Variants in GPD2 observed in about 807,000 individuals in gnomAD.
GPD2 encodes glycerol-3-phosphate dehydrogenase 2.
In GPD2, 54 loss-of-function variants were observed where a neutral mutation model predicts 82.4. The ratio of observed to expected loss-of-function variants is 0.66; its 90% CI spans 0.53 to 0.82. GPD2 has a LOEUF of 0.82. Ranked by LOEUF, GPD2 falls within the 40% of genes least tolerant of loss-of-function variation. The pLI, the probability that GPD2 is intolerant of heterozygous loss-of-function variation, is 0.00. For synonymous variants in GPD2, 288 were observed against 306.1 expected (o/e 0.94, Z 0.62); for missense variants, 748 against 896.2 (o/e 0.83, Z 2.11).
chr2:156,436,967 T>G (rs1317238201), intron 1 of GPD2, among the ~76,000 whole-genome samples: 1 of 152,162 alleles, frequency 6.6e-6, no homozygotes, highest in Non-Finnish European at 1.5e-5. Flanking sequence ...CCACTCCCTA[T>G]GTAGTAACTT....
intron 2 of GPD2, among the ~76,000 whole-genome samples, chr2:156,492,018 TAA>T (rs200337320): frequency 9.6e-4 from 128 of 133,774 alleles, no homozygotes; most frequent in South Asian, 9.7e-4. Context: ...AGACTCCATC[TAA>T]AAAAAAAAAA....
At chr2:156,413,958 C>T in the GPD2 span, among the ~76,000 whole-genome samples, 6 of 152,176 alleles carry the variant, frequency 3.9e-5, no homozygotes, top group African/African-American at 1.2e-4. Context: ...GTGGAAAATA[C>T]GAATAAAGTG....
intron 8 of GPD2, among the ~76,000 whole-genome samples, chr2:156,557,181 A>G (rs1686994399): frequency 6.6e-6 from 1 of 152,152 alleles, no homozygotes; most frequent in Non-Finnish European, 1.5e-5. Context: ...GAATATTGTT[A>G]TCATCACATT....
rs1558974287 is a variant in GPD2 at position 156,582,869 on chromosome 2, T to G, written c.2135T>G (p.Leu712Arg). 1.2e-6 allele frequency: 2 copies of G among 1,613,246 alleles called. No individual in the cohort carries two copies. ...CTAATGAAAACTGCAGAAGAGAACC[T>G]CGACAGAAGAGTTCCAATTCCAGTG... ...AILMKTAEENLDRRVPIPVDR... is the reference protein window; with the variant it reads ...AILMKTAEENRDRRVPIPVDR... The change falls in exon 17 of 17, where the codon CTC (leucine) becomes CGC (arginine). Residue 712 changes from leucine to arginine, a missense_variant. By Grantham distance (102) the Leu-to-Arg change is moderately radical (BLOSUM62 -2). Coordinates refer to ENST00000438166, the MANE Select transcript of GPD2 (RefSeq NM_000408.5).
intron 6 of GPD2, among the ~76,000 whole-genome samples, chr2:156,542,651 C>T (rs1039856599): frequency 3.3e-5 from 5 of 152,100 alleles, no homozygotes; most frequent in African/African-American, 7.2e-5. Context: ...ATACCATAGT[C>T]ACATTTCTAG....
At chr2:156,407,406 T>C in the GPD2 span, among the ~76,000 whole-genome samples, 1 of 152,228 alleles carries the variant, frequency 6.6e-6, no homozygotes, top group African/African-American at 2.4e-5. Context: ...CCCAGAAATA[T>C]ATATCTTGGA....
At chr2:156,539,872 G>A (rs1031925705) in intron 6 of GPD2, among the ~76,000 whole-genome samples, 5 of 152,156 alleles carry the variant, frequency 3.3e-5, no homozygotes, top group Non-Finnish European at 7.4e-5. Context: ...TTCGATTCTT[G>A]AGTTTTCAGT....
At chr2:156,535,738 G>A (rs925640254) in intron 6 of GPD2, among the ~76,000 whole-genome samples, 1 of 152,240 alleles carries the variant, frequency 6.6e-6, no homozygotes, top group Admixed American at 6.5e-5. Context: ...TAAAGCTTCG[G>A]TAATGTGGGC....
intron 1 of GPD2, among the ~76,000 whole-genome samples, chr2:156,459,796 G>A (rs780629091): frequency 2.0e-5 from 3 of 151,626 alleles, no homozygotes; most frequent in Non-Finnish European, 4.4e-5. Flanking sequence ...TGTTCAGGCT[G>A]AGACTATCGT....
chr2:156,474,828 G>A (rs1683447776), intron 1 of GPD2, among the ~76,000 whole-genome samples: 1 of 152,014 alleles, frequency 6.6e-6, no homozygotes, highest in Non-Finnish European at 1.5e-5. Context: ...GAAATATTCA[G>A]TGGAGCAGAG....
intron 6 of GPD2, among the ~76,000 whole-genome samples, chr2:156,516,953 A>G (rs1685222015): frequency 6.6e-6 from 1 of 152,236 alleles, no homozygotes; most frequent in Non-Finnish European, 1.5e-5. Context: ...TTAGGGCTGT[A>G]AGAGGTTTCC....
At chr2:156,507,786 GC>G (rs1684840755) in intron 3 of GPD2, among the ~76,000 whole-genome samples, 1 of 152,194 alleles carries the variant, frequency 6.6e-6, no homozygotes, top group Admixed American at 6.5e-5. Flanking sequence ...TGTAAGAAGA[GC>G]CCTCTGAGAT....
intron 9 of GPD2, among the ~76,000 whole-genome samples, chr2:156,561,760 C>T (rs1687184420): frequency 6.6e-6 from 1 of 152,098 alleles, no homozygotes; most frequent in African/African-American, 2.4e-5. Context: ...AAGTAAAATT[C>T]CAACAACAGT....
chr2:156,579,015 G>A lies in GPD2; in HGVS notation c.1880+14G>A. On this transcript the variant is annotated intron_variant, in intron 14 of 16. Transcript: ENST00000438166. Reference sequence around the variant, plus strand: ...AGACATTGACAGGTACTTATAATAAGTGTCTATCTATCTCTCTTTTTTTTT... The same window carrying A: ...AGACATTGACAGGTACTTATAATAAATGTCTATCTATCTCTCTTTTTTTTT... 6.4e-7 allele frequency: 1 copy of A among 1,552,458 alleles called. No individual in the cohort carries two copies. Among genetic ancestry groups the A allele is most frequent in the Non-Finnish European group, 8.9e-7 (1 of 1,127,828 alleles).
chr2:156,541,820 G>GTTTTTTTTTTTTTTTTTTT (rs1397587048), intron 6 of GPD2, among the ~76,000 whole-genome samples: 1 of 33,704 alleles, frequency 3.0e-5, no homozygotes, highest in African/African-American at 1.1e-4. Context: ...ATAAAATGCT[G>GTTTTTTTTTTTTTTTTTTT]TTTGTTTTTT....
At chr2:156,582,685 T>G (rs1167084882) in intron 16 of GPD2, 108 bp from the exon 17 acceptor site, 2 of 1,190,954 alleles carry the variant, frequency 1.7e-6, no homozygotes, top group African/African-American at 1.5e-5. Context: ...AGGTTTTTGA[T>G]GGAGCACTTA....
chr2:156,420,309 C>T, the GPD2 span, among the ~76,000 whole-genome samples: 1 of 152,066 alleles, frequency 6.6e-6, no homozygotes, highest in Non-Finnish European at 1.5e-5. Flanking sequence ...GTGGCTGGGA[C>T]TACAGGTGTG....
At chr2:156,549,057 A>C (rs1205971463) in intron 6 of GPD2, among the ~76,000 whole-genome samples, 1 of 152,226 alleles carries the variant, frequency 6.6e-6, no homozygotes, top group Non-Finnish European at 1.5e-5. Flanking sequence ...GATTAAAAAA[A>C]AGTTACATTT....
At chr2:156,404,710 A>AAAT in the GPD2 span, among the ~76,000 whole-genome samples, 1 of 149,134 alleles carries the variant, frequency 6.7e-6, no homozygotes, top group East Asian at 2.0e-4. Context: ...AAAAAAAAAA[A>AAAT]GCTGGGCATG....
Sources: gnomAD v4.1 joint callset for allele counts (sites outside exome capture counted in the v4.1 genomes callset) on GRCh38, gnomAD v4.1.1 for gene constraint, MANE v1.5 for transcripts, NCBI Gene and HGNC (gene_info 2026-07-23, HGNC 2026-07-21) for gene names.